PUM3: variants seen among roughly 807,000 people sequenced by gnomAD.
PUM3 encodes pumilio RNA binding family member 3, also known as pumilio homolog 3.
A neutral mutation model predicts 84.0 loss-of-function variants in PUM3; 91 were observed. That is an observed-to-expected ratio of 1.08 (90% CI 0.91 to 1.29). The LOEUF (loss-of-function observed/expected upper bound fraction) is 1.29. Among genes scored for constraint, PUM3 ranks in the 50% most tolerant of loss-of-function variants. PUM3 has a pLI of 0.00. For missense variants in PUM3, 1,067 were observed against 767.5 expected (o/e 1.39, Z -4.61); for synonymous variants, 321 against 266.7 (o/e 1.20, Z -1.98).
intron 13 of PUM3, among the ~76,000 whole-genome samples, chr9:2,814,170 G>A (rs1426964607): frequency 6.6e-6 from 1 of 152,168 alleles, no homozygotes; most frequent in African/African-American, 2.4e-5. Flanking sequence ...TTACAAGGCA[G>A]GGAACTCTCT....
Position 2,820,110 on chromosome 9 carries a change from G to A in PUM3, c.1189-12C>T. 3 of 1,587,384 alleles carry A rather than the reference G, an allele frequency of 1.9e-6. No homozygotes were observed. Among genetic ancestry groups the A allele is most frequent in the Non-Finnish European group, 2.6e-6 (3 of 1,157,460 alleles). On this transcript the variant is annotated splice_polypyrimidine_tract_variant and intron_variant, in intron 12 of 17. Coordinates refer to ENST00000397885, the MANE Select transcript of PUM3 (RefSeq NM_014878.5). ...TGGGAGTATTGGCCCTGCAAGAATTGGAAGCCAGCAAAGGTTAAAAACAAG... is the reference window on the plus strand; with the variant it reads ...TGGGAGTATTGGCCCTGCAAGAATTAGAAGCCAGCAAAGGTTAAAAACAAG...
chr9:2,831,042 A>G lies in PUM3; in HGVS notation c.611-14T>C, dbSNP rs1815964356. The G allele has an allele frequency of 3.7e-6, 5 of 1,338,524 alleles. No individual in the cohort carries two copies. The highest frequency in any genetic ancestry group is 5.3e-6 in the Non-Finnish European group (5 of 939,244). 82.9% of individuals were successfully genotyped at this position (1,338,524 alleles called of 1,614,324 possible). On this transcript the variant is annotated splice_polypyrimidine_tract_variant and intron_variant, in intron 6 of 17. Coordinates refer to ENST00000397885, the MANE Select transcript of PUM3 (RefSeq NM_014878.5). ...CAACCAAATCATCTGAAAAACAAAA[A>G]TACATTACAGTGACTTCAGATCTCA...
chr9:2,830,300 T>C (rs955222905), intron 7 of PUM3, among the ~76,000 whole-genome samples: 20 of 152,236 alleles, frequency 1.3e-4, no homozygotes, highest in African/African-American at 4.8e-4. Context: ...TAGGAATACA[T>C]TTTTGAAAAT....
intron 13 of PUM3, among the ~76,000 whole-genome samples, chr9:2,813,842 T>C (rs1821417086): frequency 6.6e-6 from 1 of 152,176 alleles, no homozygotes; most frequent in Non-Finnish European, 1.5e-5. Flanking sequence ...ATGCTTCTGA[T>C]AACAGTAGCT....
intron 3 of PUM3, among the ~76,000 whole-genome samples, chr9:2,836,799 T>C (rs1816133093): frequency 1.3e-5 from 2 of 152,008 alleles, no homozygotes; most frequent in South Asian, 4.2e-4. Flanking sequence ...CTGATTATTT[T>C]TGTGTGTGTG....
rs375775313 is a variant in PUM3, at chr9:2,829,932, C to A, written c.694G>T (p.Ala232Ser). ...FLMYGSKPQI[A>S]EIIRSFKGHV... ...CCTTTAAAACTTCTGATTATCTCTG[C>A]AATCTGTGGTTTACTTCTAAACGCA... Residue 232 changes from alanine (A) to serine (S), a missense_variant, in exon 8 of 18, where the codon GCA (alanine) becomes TCA (serine). Coordinates refer to ENST00000397885, the MANE Select transcript of PUM3 (RefSeq NM_014878.5). 4 of 1,612,452 alleles carry A rather than the reference C, an allele frequency of 2.5e-6. No individual in the cohort carries two copies. The highest frequency in any genetic ancestry group is 3.4e-6 in the Non-Finnish European group (4 of 1,178,920).
chr9:2,838,169 G>A (rs1816178352), intron 2 of PUM3, among the ~76,000 whole-genome samples: 1 of 152,156 alleles, frequency 6.6e-6, no homozygotes, highest in Non-Finnish European at 1.5e-5. Context: ...TGGTGAACTA[G>A]TGTGAATAAA....
chr9:2,811,357 T>C lies in PUM3; in HGVS notation c.1635+4A>G, dbSNP rs1249776396. On this transcript the variant is annotated splice_donor_region_variant and intron_variant, in intron 15 of 17. Transcript: ENST00000397885. Reference sequence around the variant, plus strand: ...TTCCTGCCTGTGCTTTAATGGCACATTACCTCTCCGTCCTTGCCACCAGGA... The same window carrying C: ...TTCCTGCCTGTGCTTTAATGGCACACTACCTCTCCGTCCTTGCCACCAGGA... The C allele has an allele frequency of 2.5e-6, 4 of 1,613,646 alleles. No homozygotes were observed. The highest frequency in any genetic ancestry group is 1.1e-5 in the South Asian group (1 of 91,056).
At chr9:2,818,657 A>C (rs1821522117) in intron 13 of PUM3, among the ~76,000 whole-genome samples, 1 of 152,202 alleles carries the variant, frequency 6.6e-6, no homozygotes, top group African/African-American at 2.4e-5. Flanking sequence ...AAGGGTAATA[A>C]AGTCACAAGG....
At chr9:2,832,421 T>C (rs967430481) in intron 5 of PUM3, among the ~76,000 whole-genome samples, 3 of 152,144 alleles carry the variant, frequency 2.0e-5, no homozygotes, top group Admixed American at 6.6e-5. Flanking sequence ...ACACGGATGA[T>C]GACATACAGT....
chr9:2,819,260 C>T (rs1373288907), intron 13 of PUM3, among the ~76,000 whole-genome samples: 1 of 152,134 alleles, frequency 6.6e-6, no homozygotes, highest in African/African-American at 2.4e-5. Flanking sequence ...ACTATTGATG[C>T]AGAATGAAGA....
Position 2,830,990 on chromosome 9 carries a change from T to G in PUM3, c.649A>C (p.Asn217His), listed in dbSNP as rs767883563. ...VELSKAKYSR[N>H]IVKKFLMYGS... ...TACATGAGAAATTTCTTAACAATAT[T>G]TCTCGAATATTTGGCTTTACTTAAC... The change falls in exon 7 of 18, where the codon AAT becomes CAT. Residue 217 changes from asparagine (N) to histidine (H), a missense_variant. Asn to His is a moderately conservative substitution (Grantham distance 68). Coordinates refer to ENST00000397885, the MANE Select transcript of PUM3 (RefSeq NM_014878.5). The G allele has an allele frequency of 2.7e-6, 4 of 1,490,590 alleles. No individual in the cohort carries two copies. Among genetic ancestry groups the G allele is most frequent in the Non-Finnish European group, 3.7e-6 (4 of 1,074,072 alleles). The allele number at this position is 1,490,590 out of a possible 1,614,324, so 92.3% of individuals were successfully genotyped here.
At chr9:2,831,869 G>C (rs796807831) in intron 5 of PUM3, among the ~76,000 whole-genome samples, 2 of 152,210 alleles carry the variant, frequency 1.3e-5, no homozygotes, top group African/African-American at 4.8e-5. Flanking sequence ...TCATCCATTT[G>C]TCACATTTTC....
At position 2,804,168 on chromosome 9, in the gene PUM3, T is replaced by C. The variant is rs114198372; in HGVS notation, c.*163A>G. The C allele has an allele frequency of 2.7e-3, 1,748 of 639,492 alleles. 20 individuals are homozygous for C. In the African/African-American group the frequency reaches 0.028, roughly 10 times the overall value. 39.6% of individuals were successfully genotyped at this position (639,492 alleles called of 1,614,324 possible). On this transcript the variant is annotated 3_prime_UTR_variant, in exon 18 of 18. Coordinates refer to ENST00000397885, the MANE Select transcript of PUM3 (RefSeq NM_014878.5). ...CAGCTGAGATTTTTAAAAAAGACCATTTAAAAAAACAATTTATATAAATAG... is the reference window on the plus strand; with the variant it reads ...CAGCTGAGATTTTTAAAAAAGACCACTTAAAAAAACAATTTATATAAATAG...
rs142006198 is a variant in PUM3 at position 2,811,476 on chromosome 9, G to A, written c.1520C>T (p.Ala507Val). 12 of 1,614,002 alleles carry A rather than the reference G, an allele frequency of 7.4e-6. No individual in the cohort carries two copies. The East Asian group carries it at 1.1e-4, about 15-fold the overall frequency. Residue 507 changes from alanine to valine, a missense_variant, in exon 15 of 18, where the codon GCG becomes GTG. Ala to Val is a moderately conservative substitution (Grantham distance 64). Transcript: ENST00000397885. ...CAGAATGTCAGACACCAACACACACGCAGACTTATCTAGCACCACTTCTTG... is the reference window on the plus strand; with the variant it reads ...CAGAATGTCAGACACCAACACACACACAGACTTATCTAGCACCACTTCTTG... ...HAQEVVLDKS[A>V]CVLVSDILGS...
chr9:2,814,144 A>G (rs1821423569), intron 13 of PUM3, among the ~76,000 whole-genome samples: 2 of 152,292 alleles, frequency 1.3e-5, no homozygotes, highest in African/African-American at 4.8e-5. Flanking sequence ...AACACACAAA[A>G]AGCATACAGA....
At chr9:2,829,226 T>A (rs960827390) in intron 8 of PUM3, among the ~76,000 whole-genome samples, 2 of 152,240 alleles carry the variant, frequency 1.3e-5, no homozygotes, top group Non-Finnish European at 2.9e-5. Flanking sequence ...CAGACACATG[T>A]GTGCATTTAT....
intron 13 of PUM3, among the ~76,000 whole-genome samples, chr9:2,815,914 C>T (rs1200598756): frequency 1.3e-5 from 2 of 152,316 alleles, no homozygotes; most frequent in East Asian, 1.9e-4. Context: ...TTACAAAAGA[C>T]TTCCCTTCTG....
At chr9:2,835,011 T>C (rs187674848) in intron 3 of PUM3, among the ~76,000 whole-genome samples, 1,458 of 92,126 alleles carry the variant, frequency 0.016, 29 homozygotes, top group African/African-American at 0.052. Context: ...CTGGGAAAAA[T>C]GCAAAAAAAA....
Sources: gnomAD v4.1 joint callset for allele counts (sites outside exome capture counted in the v4.1 genomes callset) on GRCh38, gnomAD v4.1.1 for gene constraint, MANE v1.5 for transcripts, NCBI Gene and HGNC (gene_info 2026-07-23, HGNC 2026-07-21) for gene names.